The following SYT16 variants were observed in gnomAD, a reference collection of about 807,000 sequenced individuals.
SYT16 encodes the protein synaptotagmin 16, also known as synaptotagmin-16.
SYT16 carries 42 observed loss-of-function variants against 61.4 expected under a neutral mutation model. The observed-to-expected ratio is 0.68, with a 90% confidence interval of 0.53 to 0.89. The LOEUF (loss-of-function observed/expected upper bound fraction) is 0.89, where lower values mean the gene tolerates loss of function less well. Ranked by LOEUF, SYT16 falls within the 40% of genes least tolerant of loss-of-function variation. The probability of loss-of-function intolerance (pLI) is 0.00; values close to 1 mark genes in which losing one functional copy is unlikely to be tolerated. For missense variants in SYT16, 804 were observed against 807.3 expected, an observed-to-expected ratio of 1.00 and a Z score of 0.05; for synonymous variants, 314 against 302.3, an observed-to-expected ratio of 1.04 and a Z score of -0.40.
At chr14:61,970,569 G>T (rs922079565) in intron 2 of SYT16, among the ~76,000 whole-genome samples, 2 of 152,158 alleles carry the variant, frequency 1.3e-5, no homozygotes, top group South Asian at 2.1e-4. Context: ...GAGCCTTGAT[G>T]CGTTTTAGTC....
chr14:61,947,009 G>C (rs1429793794), intron 1 of SYT16, among the ~76,000 whole-genome samples: 1 of 152,006 alleles, frequency 6.6e-6, no homozygotes, highest in Non-Finnish European at 1.5e-5. Context: ...GATGCCGATG[G>C]TTGTCAGACA....
At chr14:62,021,008 G>T (rs1054748086) in intron 3 of SYT16, among the ~76,000 whole-genome samples, 1 of 152,108 alleles carries the variant, frequency 6.6e-6, no homozygotes, top group Admixed American at 6.5e-5. Context: ...TCGGTGCCCT[G>T]CTCATGGTTT....
intron 1 of SYT16, among the ~76,000 whole-genome samples, chr14:61,963,758 C>T (rs1038967529): frequency 6.6e-6 from 1 of 152,118 alleles, no homozygotes; most frequent in Non-Finnish European, 1.5e-5. Context: ...AGAGAGGAGA[C>T]GTCAATGCCT....
intron 1 of SYT16, among the ~76,000 whole-genome samples, chr14:61,820,649 C>T (rs138295223): frequency 0.14 from 20,530 of 151,528 alleles, 1,497 homozygotes; most frequent in African/African-American, 0.18. Context: ...GCCCAGCTAA[C>T]TTTTGTATTT....
At chr14:61,889,478 C>A (rs1210782326) in intron 1 of SYT16, among the ~76,000 whole-genome samples, 1 of 152,126 alleles carries the variant, frequency 6.6e-6, no homozygotes, top group Non-Finnish European at 1.5e-5. Flanking sequence ...TCCCTCATGA[C>A]TCCATTAATG....
chr14:61,972,310 T>G (rs1049033080), intron 2 of SYT16, among the ~76,000 whole-genome samples: 3 of 152,250 alleles, frequency 2.0e-5, no homozygotes, highest in Admixed American at 1.3e-4. Flanking sequence ...TTAGAACTAT[T>G]TAAAATATTT....
chr14:61,864,168 G>C (rs1442487147), intron 1 of SYT16, among the ~76,000 whole-genome samples: 3 of 152,180 alleles, frequency 2.0e-5, no homozygotes, highest in Admixed American at 2.0e-4. Context: ...GTAGACTTGG[G>C]GTTGTTTCAA....
At chr14:62,083,707 T>C (rs746972779) in intron 6 of SYT16, among the ~76,000 whole-genome samples, 1 of 152,172 alleles carries the variant, frequency 6.6e-6, no homozygotes, top group Non-Finnish European at 1.5e-5. Context: ...ATGTTCTATG[T>C]GGGGGTAGAC....
At chr14:61,815,612 G>A (rs2045403610) in intron 1 of SYT16, among the ~76,000 whole-genome samples, 1 of 152,178 alleles carries the variant, frequency 6.6e-6, no homozygotes, top group Non-Finnish European at 1.5e-5. Context: ...AATAGAAAAT[G>A]TTCTTATATC....
At chr14:61,953,604 T>C (rs1299298134) in intron 1 of SYT16, among the ~76,000 whole-genome samples, 4 of 152,204 alleles carry the variant, frequency 2.6e-5, no homozygotes, top group Non-Finnish European at 5.9e-5. Context: ...CACCATCCTG[T>C]TGAATTCTGA....
At chr14:61,971,347 C>T (rs981134279) in intron 2 of SYT16, among the ~76,000 whole-genome samples, 3 of 151,304 alleles carry the variant, frequency 2.0e-5, no homozygotes, top group Admixed American at 6.6e-5. Flanking sequence ...TGTTGTAAGG[C>T]TGCAGTTAGA....
intron 3 of SYT16, among the ~76,000 whole-genome samples, chr14:62,002,092 G>A (rs1380697958): frequency 2.0e-5 from 3 of 152,038 alleles, no homozygotes; most frequent in Non-Finnish European, 4.4e-5. Context: ...TTTGTCTCTA[G>A]ACAGGATGTT....
chr14:61,990,290 G>C (rs2052493930), intron 2 of SYT16, among the ~76,000 whole-genome samples: 1 of 152,170 alleles, frequency 6.6e-6, no homozygotes, highest in Admixed American at 6.5e-5. Context: ...ACTCTAGTAA[G>C]TCAATAAGAA....
chr14:61,930,368 C>T (rs2049715519), intron 1 of SYT16, among the ~76,000 whole-genome samples: 1 of 151,944 alleles, frequency 6.6e-6, no homozygotes, highest in African/African-American at 2.4e-5. Context: ...TGGTCCTTTG[C>T]ATGTGTTCCC....
At chr14:62,077,879 T>A (rs892217417) in intron 5 of SYT16, among the ~76,000 whole-genome samples, 5 of 152,290 alleles carry the variant, frequency 3.3e-5, no homozygotes, top group African/African-American at 1.2e-4. Flanking sequence ...CCCAGGACTC[T>A]CTTAGAAACC....
intron 3 of SYT16, among the ~76,000 whole-genome samples, chr14:62,045,161 TA>T (rs1286444326): frequency 1.2e-4 from 18 of 152,054 alleles, no homozygotes; most frequent in African/African-American, 4.3e-4. Context: ...AATAAATAAA[TA>T]AAATAAATTT....
At chr14:62,070,451 T>C (rs1485305224) in intron 4 of SYT16, among the ~76,000 whole-genome samples, 1 of 152,194 alleles carries the variant, frequency 6.6e-6, no homozygotes, top group Non-Finnish European at 1.5e-5. Flanking sequence ...TATGTCATTT[T>C]CCAGCATCAT....
intron 3 of SYT16, among the ~76,000 whole-genome samples, chr14:62,052,564 G>A (rs552157971): frequency 6.6e-6 from 1 of 152,240 alleles, no homozygotes; most frequent in South Asian, 2.1e-4. Context: ...TCCCTCTAAT[G>A]TATTATCTTC....
intron 6 of SYT16, 138 bp from the exon 7 acceptor site, chr14:62,084,058 C>A: frequency 1.1e-6 from 1 of 947,876 alleles, no homozygotes; most frequent in South Asian, 1.8e-5. Context: ...CATTGTAATT[C>A]ACGCCGAGTG....
Sources: gnomAD v4.1 joint callset for allele counts (sites outside exome capture counted in the v4.1 genomes callset) on GRCh38, gnomAD v4.1.1 for gene constraint, MANE v1.5 for transcripts, NCBI Gene and HGNC (gene_info 2026-07-23, HGNC 2026-07-21) for gene names.